POLE2: variants seen among roughly 807,000 people sequenced by gnomAD.
POLE2 encodes the protein DNA polymerase epsilon subunit 2.
A neutral mutation model predicts 79.4 loss-of-function variants in POLE2; 56 were observed. That is an observed-to-expected ratio of 0.71 (90% CI 0.57 to 0.88). POLE2 has a LOEUF of 0.88. Ranked by LOEUF, POLE2 falls within the 40% of genes least tolerant of loss-of-function variation. The probability of loss-of-function intolerance (pLI) is 0.00; values close to 1 mark genes in which losing one functional copy is unlikely to be tolerated. For missense variants in POLE2, 598 were observed against 638.9 expected (o/e 0.94, Z 0.69); for synonymous variants, 212 against 214.0 (o/e 0.99, Z 0.08).
chr14:49,688,210 G>A lies in POLE2; in HGVS notation c.-7C>T. The stretch of plus-strand genomic sequence containing the variant: ...GCAGCCGCTCCGGCGCCATATTTGC[G>A]ATTTGGCGCCACCGCCGCAGCTCCG... On this transcript the variant is annotated 5_prime_UTR_variant, in exon 1 of 19. Coordinates refer to ENST00000216367, the MANE Select transcript of POLE2 (RefSeq NM_002692.4). 6.6e-7 allele frequency: 1 copy of A among 1,523,154 alleles called. No homozygotes were observed. The highest frequency in any genetic ancestry group is 2.6e-5 in the East Asian group (1 of 37,872). 94.4% of individuals were successfully genotyped at this position (1,523,154 alleles called of 1,614,324 possible).
chr14:49,671,126 T>C (rs1001324924), intron 5 of POLE2, among the ~76,000 whole-genome samples: 1 of 152,144 alleles, frequency 6.6e-6, no homozygotes. Flanking sequence ...TCAGAAGGGA[T>C]AAGTGGCACA....
intron 6 of POLE2, among the ~76,000 whole-genome samples, chr14:49,669,174 G>C (rs754612971): frequency 3.3e-5 from 5 of 152,202 alleles, no homozygotes; most frequent in South Asian, 4.1e-4. Flanking sequence ...GAGTTCCTTA[G>C]TGTTATGGTC....
chr14:49,661,404 G>T (rs1885091726), intron 10 of POLE2, among the ~76,000 whole-genome samples: 1 of 152,162 alleles, frequency 6.6e-6, no homozygotes, highest in Non-Finnish European at 1.5e-5. Context: ...TTTTATAGTT[G>T]CTAGAGGAAT....
intron 15 of POLE2, chr14:49,651,628 G>C: frequency 6.0e-6 from 2 of 334,940 alleles, no homozygotes; most frequent in Non-Finnish European, 1.1e-5. Context: ...CATTCTAGTA[G>C]GGGGTGGGGC....
chr14:49,676,326 A>G (rs1053579936), intron 3 of POLE2, among the ~76,000 whole-genome samples: 114 of 152,356 alleles, frequency 7.5e-4, no homozygotes, highest in African/African-American at 2.5e-3. Flanking sequence ...AAATGATCAA[A>G]AAAGATTCAT....
intron 1 of POLE2, among the ~76,000 whole-genome samples, chr14:49,684,987 TAAATA>T (rs1288657217): frequency 6.6e-6 from 1 of 151,748 alleles, no homozygotes; most frequent in East Asian, 1.9e-4. Context: ...AAAAAATAAA[TAAATA>T]AAATAAAATC....
chr14:49,664,805 C>A (rs1273009151), intron 8 of POLE2, 131 bp from the exon 9 acceptor site: 4 of 660,756 alleles, frequency 6.1e-6, no homozygotes, highest in Non-Finnish European at 1.1e-5. Context: ...TAGACCACAG[C>A]TTAGAAAGAG....
intron 10 of POLE2, among the ~76,000 whole-genome samples, chr14:49,660,312 A>G (rs140397840): frequency 1.3e-5 from 2 of 152,246 alleles, no homozygotes; most frequent in East Asian, 3.9e-4. Flanking sequence ...TGACATAATC[A>G]CCTAACAACA....
At chr14:49,656,051 C>G (rs78243381) in intron 10 of POLE2, among the ~76,000 whole-genome samples, 1 of 152,148 alleles carries the variant, frequency 6.6e-6, no homozygotes, top group Non-Finnish European at 1.5e-5. Flanking sequence ...TAGGCTATAT[C>G]TGTGTCTTAA....
chr14:49,679,968 C>G (rs769871782), intron 2 of POLE2, among the ~76,000 whole-genome samples, 168 bp from the exon 3 acceptor site: 39 of 152,188 alleles, frequency 2.6e-4, no homozygotes, highest in Non-Finnish European at 4.9e-4. Flanking sequence ...AAAGCCTTAT[C>G]TCAAATACCT....
chr14:49,664,041 GA>G (rs35626789), intron 9 of POLE2, among the ~76,000 whole-genome samples: 31,929 of 116,784 alleles, frequency 0.27, 3,728 homozygotes, highest in Admixed American at 0.36. Flanking sequence ...CATCTCAAAA[GA>G]AAAAAAAAAA....
intron 13 of POLE2, chr14:49,654,418 A>G (rs948861970): frequency 5.2e-5 from 27 of 517,848 alleles, no homozygotes; most frequent in African/African-American, 1.8e-4. Flanking sequence ...GCACTGCCCA[A>G]TTGAACACTT....
At chr14:49,649,337 G>A (rs1314272804) in intron 17 of POLE2, among the ~76,000 whole-genome samples, 6 of 151,258 alleles carry the variant, frequency 4.0e-5, no homozygotes, top group Admixed American at 6.6e-5. Flanking sequence ...TAGTAGAGAC[G>A]GGGTTGCACC....
chr14:49,657,455 C>T (rs550155940), intron 10 of POLE2, among the ~76,000 whole-genome samples: 55 of 147,012 alleles, frequency 3.7e-4, no homozygotes, highest in African/African-American at 1.2e-3. Flanking sequence ...TTTTTTTTGA[C>T]GGAGTCTCAT....
At chr14:49,646,302 G>GGT (rs1883757411) in intron 18 of POLE2, among the ~76,000 whole-genome samples, 1 of 84,554 alleles carries the variant, frequency 1.2e-5, no homozygotes, top group African/African-American at 5.9e-5. Flanking sequence ...TTTTTTGTTG[G>GGT]TTTTTTTTTT....
At chr14:49,665,858 C>T (rs1885449581) in intron 7 of POLE2, among the ~76,000 whole-genome samples, 1 of 151,992 alleles carries the variant, frequency 6.6e-6, no homozygotes, top group Admixed American at 6.6e-5. Context: ...CAAAGTTTCG[C>T]TCTTGTTGCC....
intron 3 of POLE2, chr14:49,678,003 ATT>A (rs762661315): frequency 0.048 from 7,012 of 146,796 alleles, 511 homozygotes; most frequent in African/African-American, 0.17. Flanking sequence ...TATTTATTTT[ATT>A]TTTTTTTTTT....
At position 49,655,035 on chromosome 14, in the gene POLE2, A is replaced by G. The variant is rs1329293481; in HGVS notation, c.988T>C (p.Tyr330His). 1.9e-6 allele frequency: 3 copies of G among 1,579,928 alleles called. No homozygotes were observed. ...ILCGNFSSAP[Y>H]GKNQVQALKD... ...AAAGCTTGAACTTGATTTTTTCCAT[A>G]TGGTGCAGATGAAAAATTACCACAC... Residue 330 changes from tyrosine (Y) to histidine (H), a missense_variant, in exon 12 of 19, where the codon TAT becomes CAT. Coordinates refer to ENST00000216367, the MANE Select transcript of POLE2 (RefSeq NM_002692.4).
At chr14:49,645,043 C>CAAAAAAAAAAAAAAAAAAA (rs527251561) in intron 18 of POLE2, among the ~76,000 whole-genome samples, 114 of 87,934 alleles carry the variant, frequency 1.3e-3, no homozygotes, top group African/African-American at 1.5e-3. Context: ...CTCCGTCTCA[C>CAAAAAAAAAAAAAAAAAAA]AAAAAAAAAA....
Sources: gnomAD v4.1 joint callset for allele counts (sites outside exome capture counted in the v4.1 genomes callset) on GRCh38, gnomAD v4.1.1 for gene constraint, MANE v1.5 for transcripts, NCBI Gene and HGNC (gene_info 2026-07-23, HGNC 2026-07-21) for gene names.